Variants in ABLIM1 observed in about 807,000 individuals in gnomAD.
The protein encoded by ABLIM1 is actin-binding LIM protein 1.
In ABLIM1, 40 loss-of-function variants were observed where a neutral mutation model predicts 107.0. The ratio of observed to expected loss-of-function variants is 0.37; its 90% CI spans 0.29 to 0.49. The LOEUF is 0.49. ABLIM1 is among the 20% of genes least tolerant of loss of function. The pLI is 0.97. For missense variants in ABLIM1, 857 were observed against 1,008.5 expected, an observed-to-expected ratio of 0.85 and a Z score of 2.04; for synonymous variants, 357 against 357.3, an observed-to-expected ratio of 1.00 and a Z score of 0.01.
At chr10:114,685,272 C>T (rs1031526185), upstream of ABLIM1, among the ~76,000 whole-genome samples, 1 of 152,124 alleles carries the variant, frequency 6.6e-6, no homozygotes, top group Non-Finnish European at 1.5e-5. Flanking sequence ...CAGATACACA[C>T]ATTGGCTAAG....
chr10:114,742,199 T>C (rs188352289), intron 1 of ABLIM1, among the ~76,000 whole-genome samples: 1 of 152,206 alleles, frequency 6.6e-6, no homozygotes, highest in Non-Finnish European at 1.5e-5. Context: ...AATAAAAAAC[T>C]ACTCTTTTGC....
intron 1 of ABLIM1, among the ~76,000 whole-genome samples, chr10:114,663,470 A>G (rs938582903): frequency 1.3e-5 from 2 of 152,222 alleles, no homozygotes; most frequent in Non-Finnish European, 2.9e-5. Context: ...GTAATTCTCT[A>G]TAAGTCACTG....
rs112474922 is a variant in ABLIM1, at chr10:114,463,475, C to T, written c.1441+2223G>A. ...CAGTAGCAGGCACGTCATTTAGACT[C>T]AACAACAGCTGTTTTTAAAAAGCAC... On this transcript the variant is annotated intron_variant, in intron 12 of 22. Transcript: ENST00000533213. Among the ~76,000 whole-genome samples, 1,116 of 152,028 alleles carry T rather than the reference C, an allele frequency of 7.3e-3. 14 individuals carry two copies. The highest frequency in any genetic ancestry group is 0.026 in the African/African-American group (1,075 of 41,450).
intron 7 of ABLIM1, among the ~76,000 whole-genome samples, chr10:114,489,443 T>C (rs1355338979): frequency 1.3e-5 from 2 of 152,182 alleles, no homozygotes; most frequent in East Asian, 3.8e-4. Context: ...AAAAAATACA[T>C]TTTATATCAG....
intron 6 of ABLIM1, among the ~76,000 whole-genome samples, chr10:114,538,151 A>G (rs768616550): frequency 3.3e-5 from 5 of 152,236 alleles, no homozygotes; most frequent in African/African-American, 4.8e-5. Context: ...ATGTGAATTC[A>G]CCTCAGAAAC....
chr10:114,713,898 G>C (rs1184230372), intron 1 of ABLIM1, among the ~76,000 whole-genome samples: 5 of 152,250 alleles, frequency 3.3e-5, no homozygotes, highest in Non-Finnish European at 7.4e-5. Context: ...AACGAAGAGG[G>C]AACCAAGTGA....
chr10:114,452,449 T>C (rs2062054715), intron 13 of ABLIM1, among the ~76,000 whole-genome samples: 1 of 152,144 alleles, frequency 6.6e-6, no homozygotes, highest in African/African-American at 2.4e-5. Flanking sequence ...CAAGATTCAA[T>C]TAAACTTTTT....
chr10:114,690,480 T>C, intron 1 of ABLIM1: 4 of 1,573,306 alleles, frequency 2.5e-6, no homozygotes, highest in Non-Finnish European at 2.6e-6. Flanking sequence ...AATAATTCTG[T>C]GAAAGCGGGA....
intron 1 of ABLIM1, among the ~76,000 whole-genome samples, chr10:114,677,330 G>A (rs1041748182): frequency 1.3e-5 from 2 of 152,098 alleles, no homozygotes; most frequent in African/African-American, 4.8e-5. Context: ...TTGCTGTCAG[G>A]ACAAAAAACC....
chr10:114,491,725 A>G (rs2059022953), intron 7 of ABLIM1, 66 bp downstream of exon 7: 16 of 1,466,102 alleles, frequency 1.1e-5, no homozygotes, highest in Non-Finnish European at 1.5e-5. Context: ...AAACAATCAA[A>G]CAAACATAGC....
At chr10:114,609,381 T>C (rs904543117) in intron 1 of ABLIM1, among the ~76,000 whole-genome samples, 5 of 152,224 alleles carry the variant, frequency 3.3e-5, no homozygotes, top group Non-Finnish European at 5.9e-5. Flanking sequence ...CCATACGGCA[T>C]AGCCCAGGTC....
At chr10:114,463,816 G>A (rs1465232497) in intron 12 of ABLIM1, among the ~76,000 whole-genome samples, 3 of 152,072 alleles carry the variant, frequency 2.0e-5, no homozygotes, top group Non-Finnish European at 4.4e-5. Flanking sequence ...GGACACTTTG[G>A]GGTGTTCTAT....
chr10:114,598,294 A>AAG (rs2075646413), intron 2 of ABLIM1, among the ~76,000 whole-genome samples: 1 of 151,186 alleles, frequency 6.6e-6, no homozygotes. Context: ...AAAAAAAAAA[A>AAG]AGGAAATGTG....
At chr10:114,748,271 T>C (rs1352293528) in intron 1 of ABLIM1, among the ~76,000 whole-genome samples, 4 of 152,110 alleles carry the variant, frequency 2.6e-5, no homozygotes, top group African/African-American at 2.4e-5. Flanking sequence ...ATTTTTGAGT[T>C]CTTAAAAAGC....
intron 6 of ABLIM1, among the ~76,000 whole-genome samples, chr10:114,541,615 C>T (rs2066668973): frequency 6.6e-6 from 1 of 152,234 alleles, no homozygotes; most frequent in African/African-American, 2.4e-5. Context: ...AGGACTACGT[C>T]TGCTGGGTGG....
At chr10:114,751,933 A>G (rs759369625) in intron 1 of ABLIM1, among the ~76,000 whole-genome samples, 13 of 152,132 alleles carry the variant, frequency 8.5e-5, no homozygotes, top group Non-Finnish European at 1.6e-4. Flanking sequence ...CTAGTAAATC[A>G]GGAGTGCATT....
intron 1 of ABLIM1, among the ~76,000 whole-genome samples, chr10:114,713,320 C>G (rs1485505276): frequency 6.6e-6 from 1 of 152,118 alleles, no homozygotes; most frequent in Non-Finnish European, 1.5e-5. Context: ...GGCAAAGATC[C>G]CACTTCTCAT....
intron 6 of ABLIM1, among the ~76,000 whole-genome samples, chr10:114,533,723 G>A (rs2065688658): frequency 6.6e-6 from 1 of 152,178 alleles, no homozygotes; most frequent in Non-Finnish European, 1.5e-5. Context: ...CTGGAGTGCA[G>A]TGGCGTGTGA....
intron 8 of ABLIM1, among the ~76,000 whole-genome samples, chr10:114,476,250 T>G (rs2056378417): frequency 6.6e-6 from 1 of 152,198 alleles, no homozygotes; most frequent in African/African-American, 2.4e-5. Context: ...GCACAAGCGC[T>G]TTCCTGCTAG....
Sources: gnomAD v4.1 joint callset for allele counts (sites outside exome capture counted in the v4.1 genomes callset) on GRCh38, gnomAD v4.1.1 for gene constraint, MANE v1.5 for transcripts, NCBI Gene and HGNC (gene_info 2026-07-23, HGNC 2026-07-21) for gene names.